The following C12orf56 variants were observed in gnomAD, a reference collection of about 807,000 sequenced individuals.
C12orf56 encodes chromosome 12 open reading frame 56.
Under a neutral mutation model 69.9 loss-of-function variants are expected in C12orf56, and 71 were observed. The observed-to-expected ratio is 1.02, with a 90% CI of 0.84 to 1.24. The LOEUF is 1.24. Among genes scored for constraint, C12orf56 ranks in the 50% most tolerant of loss-of-function variants. The pLI, the probability that C12orf56 is intolerant of heterozygous loss-of-function variation, is 0.00. For missense variants in C12orf56, 732 were observed against 738.5 expected (o/e 0.99, Z 0.10); for synonymous variants, 276 against 274.1 (o/e 1.01, Z -0.07).
chr12:64,277,396 T>C (rs1307327074), intron 9 of C12orf56, among the ~76,000 whole-genome samples: 1 of 152,142 alleles, frequency 6.6e-6, no homozygotes, highest in Non-Finnish European at 1.5e-5. Context: ...ATCAAATTTA[T>C]AAAGAATGCT....
intron 8 of C12orf56, among the ~76,000 whole-genome samples, chr12:64,282,885 T>C (rs1310234880): frequency 2.0e-5 from 3 of 152,046 alleles, no homozygotes; most frequent in Non-Finnish European, 4.4e-5. Context: ...GGCTCACACC[T>C]GTAATCCCAG....
At chr12:64,284,584 T>C in intron 8 of C12orf56, 80 bp downstream of exon 8, 2 of 1,001,262 alleles carry the variant, frequency 2.0e-6, no homozygotes, top group Non-Finnish European at 2.9e-6. Flanking sequence ...GTTGGAGAAT[T>C]ATGTGCTTTG....
chr12:64,390,726 G>T lies in C12orf56; in HGVS notation c.-161C>A, dbSNP rs2039859265. On this transcript the variant is annotated 5_prime_UTR_variant, in exon 1 of 13. Transcript: ENST00000543942. ...GCCGCAACTGCAGGAATCGACGCTA[G>T]GTCGGCTTCCCTGGAGCGCCCTCCC... 3 of 1,082,922 alleles carry T rather than the reference G, an allele frequency of 2.8e-6. No homozygotes were observed. The highest frequency in any genetic ancestry group is 3.7e-6 in the Non-Finnish European group (3 of 813,350). 67.1% of individuals were successfully genotyped at this position (1,082,922 alleles called of 1,614,324 possible).
At chr12:64,303,492 A>T in intron 6 of C12orf56, 143 bp downstream of exon 6, 1 of 699,856 alleles carries the variant, frequency 1.4e-6, no homozygotes, top group Non-Finnish European at 2.3e-6. Flanking sequence ...CACCATTAAG[A>T]CATGACTACA....
rs11275269 is a variant in C12orf56, at chr12:64,358,482, A to AATAATAATAATAATCATCATCATC, written c.253-5427_253-5426insGATGATGATGATTATTATTATTAT. Reference sequence around the variant, plus strand: ...CAAAAGTAATAATAATAATAATAATAATCATCATCATCATCATCATCATCA... The same window carrying AATAATAATAATAATCATCATCATC: ...CAAAAGTAATAATAATAATAATAATAATAATAATAATAATCATCATCATCATCATCATCATCATCATCATCATCA... On this transcript the variant is annotated intron_variant, in intron 1 of 12. Coordinates refer to ENST00000543942, the MANE Select transcript of C12orf56 (RefSeq NM_001170633.2). 2.0e-3 allele frequency among the ~76,000 whole-genome samples: 256 copies of AATAATAATAATAATCATCATCATC among 125,918 alleles called. 1 individual carries two copies. Among genetic ancestry groups the AATAATAATAATAATCATCATCATC allele is most frequent in the Admixed American group, 7.2e-3 (84 of 11,648 alleles). The allele number at this position is 125,918 out of a possible 152,430, so 82.6% of individuals were successfully genotyped here.
intron 2 of C12orf56, among the ~76,000 whole-genome samples, chr12:64,348,987 G>A (rs2039185212): frequency 6.6e-6 from 1 of 152,130 alleles, no homozygotes; most frequent in Non-Finnish European, 1.5e-5. Context: ...ATGGAAAACT[G>A]AAGTAATTAT....
chr12:64,294,972 C>T (rs569369586), intron 6 of C12orf56, among the ~76,000 whole-genome samples: 3 of 151,520 alleles, frequency 2.0e-5, no homozygotes, highest in East Asian at 1.9e-4. Flanking sequence ...ATGATCTTGG[C>T]TCACTGCAAC....
At chr12:64,330,855 T>G (rs534714014) in intron 3 of C12orf56, 105 bp downstream of exon 3, 1 of 869,748 alleles carries the variant, frequency 1.1e-6, no homozygotes, top group African/African-American at 1.7e-5. Context: ...TTAATAGAAC[T>G]CAGTCCAAAG....
chr12:64,288,657 TG>T (rs2038240928), intron 6 of C12orf56, among the ~76,000 whole-genome samples: 1 of 128,468 alleles, frequency 7.8e-6, no homozygotes, highest in Admixed American at 8.3e-5. Flanking sequence ...ATCAGATAGT[TG>T]TAGATATGCA....
rs1286074496 is a variant in C12orf56, at chr12:64,367,011, A to G, written c.253-13955T>C. On this transcript the variant is annotated intron_variant, in intron 1 of 12. Coordinates refer to ENST00000543942, the MANE Select transcript of C12orf56 (RefSeq NM_001170633.2). Reference sequence around the variant, plus strand: ...ATAACATACACTTTATATATTATATATAACATACACTTTATATATTATATA... The same window carrying G: ...ATAACATACACTTTATATATTATATGTAACATACACTTTATATATTATATA... 7.2e-3 allele frequency among the ~76,000 whole-genome samples: 438 copies of G among 60,486 alleles called. 19 individuals are homozygous for G. The highest frequency in any genetic ancestry group is 0.029 in the African/African-American group (398 of 13,718). The allele number at this position is 60,486 out of a possible 152,430, so 39.7% of individuals were successfully genotyped here.
chr12:64,380,136 AAAAC>A (rs1249440682), intron 1 of C12orf56, among the ~76,000 whole-genome samples: 3 of 37,062 alleles, frequency 8.1e-5, no homozygotes, highest in Non-Finnish European at 1.4e-4. Flanking sequence ...AAAAAAAAAC[AAAAC>A]AAACAAAAAA....
chr12:64,366,884 T>A (rs547928952), intron 1 of C12orf56, among the ~76,000 whole-genome samples: 12 of 127,832 alleles, frequency 9.4e-5, no homozygotes, highest in African/African-American at 1.8e-4. Flanking sequence ...TTTATATATA[T>A]TATATAACAT....
At chr12:64,380,104 C>CAAAAAAAAAAAAAAAAAAAA (rs60079906) in intron 1 of C12orf56, among the ~76,000 whole-genome samples, 21 of 49,982 alleles carry the variant, frequency 4.2e-4, no homozygotes, top group East Asian at 8.3e-4. Context: ...GACTCCGTCG[C>CAAAAAAAAAAAAAAAAAAAA]AAAAAAAAAA....
intron 1 of C12orf56, among the ~76,000 whole-genome samples, chr12:64,353,477 T>C (rs1048268254): frequency 5.4e-4 from 82 of 151,938 alleles, no homozygotes; most frequent in Admixed American, 2.0e-3. Flanking sequence ...TTTTTTTTTT[T>C]CCCCTTCATT....
chr12:64,275,364 C>A lies in C12orf56; in HGVS notation c.1443G>T (p.Lys481Asn). The change falls in exon 10 of 13, where the codon AAG (lysine) becomes AAT (asparagine). Residue 481 changes from lysine to asparagine, a missense_variant. Coordinates refer to ENST00000543942, the MANE Select transcript of C12orf56 (RefSeq NM_001170633.2). ...CAGTATTTGTATACTCCAGAATAAG[C>A]TTCTGTAACTAGAATTTTCAAGAAT... Reference protein sequence around the residue: ...VRMSFDAELQKLILEYTNTAT... With the variant: ...VRMSFDAELQNLILEYTNTAT... 2 of 1,379,404 alleles carry A rather than the reference C, an allele frequency of 1.4e-6. No homozygotes were observed. Among genetic ancestry groups the A allele is most frequent in the Admixed American group, 3.0e-5 (1 of 32,934 alleles). The allele number at this position is 1,379,404 out of a possible 1,614,324, so 85.4% of individuals were successfully genotyped here. A position where few individuals can be genotyped will look rare whatever the true frequency, so the allele number is the denominator to read the frequency against.
chr12:64,288,859 T>G (rs11175313), intron 6 of C12orf56, among the ~76,000 whole-genome samples: 109,794 of 127,328 alleles, frequency 0.86, 47,411 homozygotes, highest in East Asian at 0.96. Context: ...ATATGAACTT[T>G]AAAGTAGTTT....
chr12:64,321,080 T>C (rs2136843011), intron 3 of C12orf56, among the ~76,000 whole-genome samples: 1 of 152,334 alleles, frequency 6.6e-6, no homozygotes, highest in Non-Finnish European at 1.5e-5. Context: ...TCTTTTGACA[T>C]CTTAGTGGAC....
Position 64,352,942 on chromosome 12 carries a change from T to C in C12orf56, c.367A>G (p.Arg123Gly), listed in dbSNP as rs1360414612. 9 of 1,613,292 alleles carry C rather than the reference T, an allele frequency of 5.6e-6. No individual in the cohort carries two copies. The highest frequency in any genetic ancestry group is 1.7e-5 in the Admixed American group (1 of 59,872). Residue 123 changes from arginine to glycine, a missense_variant, in exon 2 of 13, where the codon AGG becomes GGG. Arg to Gly is a moderately radical substitution (Grantham distance 125, BLOSUM62 -2). Transcript: ENST00000543942. ...TGATGAAATGGAAATAGGAATTTCC[T>C]GACACTGTTTGACTTTTTACACTCT... ...KKECKKSNSV[R>G]KFLFPFHHTK... is the part of the protein sequence containing the mutation.
At chr12:64,388,390 G>T (rs2039821917) in intron 1 of C12orf56, among the ~76,000 whole-genome samples, 1 of 152,052 alleles carries the variant, frequency 6.6e-6, no homozygotes, top group South Asian at 2.1e-4. Context: ...TGTACCACCG[G>T]CATGCACCAC....
Sources: allele counts gnomAD v4.1 joint callset (sites outside exome capture counted in the v4.1 genomes callset), GRCh38; gene constraint gnomAD v4.1.1; transcripts MANE v1.5; gene names NCBI Gene and HGNC (gene_info 2026-07-23, HGNC 2026-07-21).